CSMD1: variants seen among roughly 807,000 people sequenced by gnomAD.
The protein encoded by CSMD1 is CUB and sushi domain-containing protein 1.
CSMD1 carries 213 observed loss-of-function variants against 417.5 expected under a neutral mutation model. The observed-to-expected ratio is 0.51, with a 90% CI of 0.46 to 0.57. CSMD1 has a LOEUF of 0.57. CSMD1 is among the 20% of genes least tolerant of loss of function. The probability of loss-of-function intolerance (pLI) is 0.00; values close to 1 mark genes in which losing one functional copy is unlikely to be tolerated. For missense variants in CSMD1, 6,923 were observed against 4,529.7 expected (o/e 1.53, Z -15.17); for synonymous variants, 2,862 against 1,736.8 (o/e 1.65, Z -16.11).
intron 41 of CSMD1, among the ~76,000 whole-genome samples, chr8:3,121,178 T>C (rs1277554770): frequency 6.6e-6 from 1 of 152,166 alleles, no homozygotes; most frequent in Non-Finnish European, 1.5e-5. Flanking sequence ...TTTCTGTGTA[T>C]TTATTTATAT....
intron 5 of CSMD1, among the ~76,000 whole-genome samples, chr8:3,969,202 A>G (rs1252460513): frequency 1.3e-5 from 2 of 152,110 alleles, no homozygotes; most frequent in Non-Finnish European, 2.9e-5. Context: ...GTGAGCCTAG[A>G]TCGTGACACT....
intron 2 of CSMD1, among the ~76,000 whole-genome samples, chr8:4,561,235 G>T (rs547570451): frequency 6.6e-6 from 1 of 152,154 alleles, no homozygotes; most frequent in Non-Finnish European, 1.5e-5. Context: ...ACAGTCAGGC[G>T]TGGTAGTGTG....
intron 3 of CSMD1, among the ~76,000 whole-genome samples, chr8:4,410,125 A>T (rs182607824): frequency 6.6e-6 from 1 of 152,130 alleles, no homozygotes. Context: ...CATACTTTAT[A>T]ATCTTTGAAG....
intron 5 of CSMD1, among the ~76,000 whole-genome samples, chr8:3,785,119 C>T (rs536579641): frequency 5.3e-5 from 8 of 152,144 alleles, no homozygotes; most frequent in African/African-American, 1.9e-4. Flanking sequence ...CTGGTCCTAC[C>T]TCTGTGATGT....
rs184223398 is a variant in CSMD1 at position 4,009,633 on chromosome 8, G to C, written c.611-11523C>G. Among the ~76,000 whole-genome samples the C allele has an allele frequency of 1.2e-3, 186 of 152,214 alleles. 1 individual carries two copies. Among genetic ancestry groups the C allele is most frequent in the African/African-American group, 4.1e-3 (171 of 41,518 alleles). On this transcript the variant is annotated intron_variant, in intron 4 of 69. Transcript: ENST00000635120. ...GGGGAAATATCCAGGAAAGAAATAA[G>C]AAATACACCCACATATGTAATATAA...
chr8:3,140,302 G>T (rs867059108), intron 41 of CSMD1, among the ~76,000 whole-genome samples: 58 of 151,970 alleles, frequency 3.8e-4, no homozygotes, highest in Middle Eastern at 3.4e-3. Context: ...CCATTTTGTT[G>T]TGGGAAGTTG....
At chr8:4,097,082 C>T (rs1472221257) in intron 3 of CSMD1, among the ~76,000 whole-genome samples, 10 of 152,116 alleles carry the variant, frequency 6.6e-5, no homozygotes, top group Admixed American at 6.6e-4. Context: ...TAATTATGTA[C>T]TACAAAAAGA....
At chr8:3,996,257 T>C (rs764033305) in intron 5 of CSMD1, among the ~76,000 whole-genome samples, 2 of 152,194 alleles carry the variant, frequency 1.3e-5, no homozygotes, top group Non-Finnish European at 2.9e-5. Context: ...TGGACTGTCC[T>C]AAAAATAAGA....
At chr8:4,177,186 C>T (rs1798099025) in intron 3 of CSMD1, among the ~76,000 whole-genome samples, 1 of 152,132 alleles carries the variant, frequency 6.6e-6, no homozygotes, top group Admixed American at 6.6e-5. Context: ...GGAAGTAAAG[C>T]TCTCCTCAGC....
At chr8:3,790,584 G>C (rs1379504749) in intron 5 of CSMD1, among the ~76,000 whole-genome samples, 1 of 151,986 alleles carries the variant, frequency 6.6e-6, no homozygotes, top group Non-Finnish European at 1.5e-5. Context: ...TTTTTTTTAT[G>C]TTTTTGGCAT....
At chr8:4,021,655 T>A (rs539738431) in intron 4 of CSMD1, among the ~76,000 whole-genome samples, 23 of 152,140 alleles carry the variant, frequency 1.5e-4, no homozygotes, top group Admixed American at 9.8e-4. Flanking sequence ...CCCCATCCCT[T>A]TTCTCTTTTG....
intron 5 of CSMD1, among the ~76,000 whole-genome samples, chr8:3,996,192 T>C (rs142213660): frequency 6.6e-6 from 1 of 152,234 alleles, no homozygotes; most frequent in East Asian, 1.9e-4. Context: ...TGCTTCTACC[T>C]CTCTCCCAAC....
chr8:4,663,270 C>T lies in CSMD1; in HGVS notation c.86-25712G>A, dbSNP rs61025105. On this transcript the variant is annotated intron_variant, in intron 1 of 69. Coordinates refer to ENST00000635120, the MANE Select transcript of CSMD1 (RefSeq NM_033225.6). ...TTCATTACCTGTATATACACGATAACACAAAGTTAGGGACCAGAGCAAACA... is the reference window on the plus strand; with the variant it reads ...TTCATTACCTGTATATACACGATAATACAAAGTTAGGGACCAGAGCAAACA... Among the ~76,000 whole-genome samples, 192 of 152,282 alleles carry T rather than the reference C, an allele frequency of 1.3e-3. 2 individuals are homozygous for T. In the East Asian group the frequency reaches 0.035, roughly 27 times the overall value.
At chr8:3,735,632 C>G (rs528734645) in intron 6 of CSMD1, among the ~76,000 whole-genome samples, 5 of 152,308 alleles carry the variant, frequency 3.3e-5, no homozygotes, top group East Asian at 1.9e-4. Flanking sequence ...AAGTCTGAAT[C>G]TCTTGGTGCC....
chr8:3,617,564 A>T (rs1251858480), intron 7 of CSMD1, among the ~76,000 whole-genome samples: 1 of 152,168 alleles, frequency 6.6e-6, no homozygotes, highest in Non-Finnish European at 1.5e-5. Context: ...TACTTCTGGG[A>T]AACATTACAG....
chr8:3,915,924 G>C (rs928009904), intron 5 of CSMD1, among the ~76,000 whole-genome samples: 3 of 150,856 alleles, frequency 2.0e-5, no homozygotes, highest in African/African-American at 7.3e-5. Context: ...ATCTGAGGCA[G>C]ACCTACATAA....
chr8:3,053,033 T>C (rs1177922248), intron 49 of CSMD1, among the ~76,000 whole-genome samples: 6 of 152,128 alleles, frequency 3.9e-5, no homozygotes, highest in Non-Finnish European at 7.4e-5. Context: ...CCGTCCACCT[T>C]AGCCTCCCAA....
intron 4 of CSMD1, among the ~76,000 whole-genome samples, chr8:4,007,826 C>G (rs747357619): frequency 6.6e-6 from 1 of 152,022 alleles, no homozygotes; most frequent in Non-Finnish European, 1.5e-5. Flanking sequence ...CGGAATCAAA[C>G]CATATCCTCT....
intron 3 of CSMD1, among the ~76,000 whole-genome samples, chr8:4,104,036 G>C (rs1295482179): frequency 6.6e-6 from 1 of 152,146 alleles, no homozygotes; most frequent in Non-Finnish European, 1.5e-5. Context: ...CCCCAGCCTG[G>C]CCCTTCTGGG....
Sources: gnomAD v4.1 joint callset for allele counts (sites outside exome capture counted in the v4.1 genomes callset) on GRCh38, gnomAD v4.1.1 for gene constraint, MANE v1.5 for transcripts, NCBI Gene and HGNC (gene_info 2026-07-23, HGNC 2026-07-21) for gene names.